ABCA13: variants seen among roughly 807,000 people sequenced by gnomAD.
ABCA13 encodes ATP binding cassette subfamily A member 13.
In ABCA13, 476 loss-of-function variants were observed where a neutral mutation model predicts 478.7. The observed-to-expected ratio is 0.99, with a 90% CI of 0.92 to 1.07. The LOEUF (loss-of-function observed/expected upper bound fraction) is 1.07. Ranked by LOEUF, ABCA13 falls within the 50% of genes least tolerant of loss-of-function variation. ABCA13 has a pLI of 0.00. For missense variants in ABCA13, 6,060 were observed against 5,910.6 expected (o/e 1.03, Z -0.83); for synonymous variants, 2,252 against 2,158.9 (o/e 1.04, Z -1.20).
chr7:48,261,735 A>G (rs1794210046), intron 15 of ABCA13, among the ~76,000 whole-genome samples: 1 of 151,868 alleles, frequency 6.6e-6, no homozygotes, highest in Non-Finnish European at 1.5e-5. Context: ...TTTAAAGTTT[A>G]TATAAGCATT....
At chr7:48,201,420 G>T (rs971194828) in intron 3 of ABCA13, among the ~76,000 whole-genome samples, 3 of 140,488 alleles carry the variant, frequency 2.1e-5, no homozygotes, top group Non-Finnish European at 4.8e-5. Flanking sequence ...TTTCTCCTCA[G>T]AAGCTGCCCA....
chr7:48,298,478 C>T lies in ABCA13; in HGVS notation c.9312C>T (p.Ser3104=). 1 of 1,612,662 alleles carries T rather than the reference C, an allele frequency of 6.2e-7. No homozygotes were observed. Among genetic ancestry groups the T allele is most frequent in the Non-Finnish European group, 8.5e-7 (1 of 1,179,396 alleles). The change falls in exon 23 of 62, where the codon TCC becomes TCT. Residue 3104 remains serine, a synonymous_variant. Coordinates refer to ENST00000435803, the MANE Select transcript of ABCA13 (RefSeq NM_152701.5). ...TIHSILEANI[S]HSKVLFSALT... is the part of the protein sequence containing the mutation. ...ATAGCATTCTAGAAGCAAATATTTCCCACTCCAAGGTGTGGTGCTGTTTCT... is the reference window on the plus strand; with the variant it reads ...ATAGCATTCTAGAAGCAAATATTTCTCACTCCAAGGTGTGGTGCTGTTTCT...
chr7:48,176,544 T>C (rs895116234), intron 1 of ABCA13, among the ~76,000 whole-genome samples: 3 of 152,178 alleles, frequency 2.0e-5, no homozygotes, highest in Admixed American at 6.5e-5. Flanking sequence ...ATGCATACTT[T>C]CTTTTAGTCA....
chr7:48,507,969 G>T lies in ABCA13; in HGVS notation c.13444G>T (p.Val4482Leu), dbSNP rs116007280. 2,527 of 1,613,838 alleles carry T rather than the reference G, an allele frequency of 1.6e-3. 30 individuals are homozygous for T. The African/African-American group carries it at 0.03, about 19-fold the overall frequency. ...SIGSSVVRDR[V>L]IGAKRLQHIS... ...CGGCAGCTCTGTGGTGAGGGACAGG[G>T]TGATTGGAGCCAAAAGGTTGCAGCA... The change falls in exon 50 of 62, where the codon GTG becomes TTG. Residue 4482 changes from valine (V) to leucine (L), a missense_variant. Transcript: ENST00000435803.
chr7:48,472,948 G>T (rs1827667732), intron 45 of ABCA13, among the ~76,000 whole-genome samples: 1 of 152,158 alleles, frequency 6.6e-6, no homozygotes, highest in South Asian at 2.1e-4. Flanking sequence ...GAAGAAAGAG[G>T]TTTATTGGAC....
At chr7:48,309,892 T>G in intron 23 of ABCA13, 55 bp from the exon 24 acceptor site, 1 of 1,592,276 alleles carries the variant, frequency 6.3e-7, no homozygotes, top group Non-Finnish European at 8.6e-7. Context: ...TCTGAGGTGG[T>G]GAAGCACATG....
At chr7:48,354,096 C>T (rs1487830808) in intron 31 of ABCA13, among the ~76,000 whole-genome samples, 1 of 151,960 alleles carries the variant, frequency 6.6e-6, no homozygotes, top group Non-Finnish European at 1.5e-5. Context: ...CACCTGAGAG[C>T]TCTGAGAATT....
intron 36 of ABCA13, 44 bp downstream of exon 36, chr7:48,388,003 G>A (rs1444796884): frequency 1.9e-6 from 3 of 1,573,798 alleles, no homozygotes; most frequent in Non-Finnish European, 1.7e-6. Flanking sequence ...TTTTTCCTTT[G>A]ATCCATTTTG....
At chr7:48,201,411 T>G (rs1380145388) in intron 3 of ABCA13, among the ~76,000 whole-genome samples, 1 of 148,674 alleles carries the variant, frequency 6.7e-6, no homozygotes, top group Non-Finnish European at 1.5e-5. Flanking sequence ...AAGGAGACTT[T>G]TCTCCTCAGA....
At chr7:48,483,946 T>C (rs984037188) in intron 47 of ABCA13, among the ~76,000 whole-genome samples, 3 of 152,214 alleles carry the variant, frequency 2.0e-5, no homozygotes, top group African/African-American at 7.2e-5. Context: ...CTTATTAGGA[T>C]ATCAGTATAG....
chr7:48,638,352 AGT>A (rs1794849966), intron 59 of ABCA13, among the ~76,000 whole-genome samples: 1 of 152,188 alleles, frequency 6.6e-6, no homozygotes, highest in African/African-American at 2.4e-5. Context: ...CACAGAGAGC[AGT>A]GTTTATGGAG....
chr7:48,376,515 C>A lies in ABCA13; in HGVS notation c.11278C>A (p.Leu3760Ile), dbSNP rs1813508919. The change falls in exon 35 of 62, where the codon CTT (leucine) becomes ATT (isoleucine). Residue 3760 changes from leucine (L) to isoleucine (I), a missense_variant. Leu to Ile is a conservative substitution (Grantham distance 5). Coordinates refer to ENST00000435803, the MANE Select transcript of ABCA13 (RefSeq NM_152701.5). ...ATTTGGCTGGGTTTGCTGGATGATT[C>A]TTTTTGATTCAAGCCTTTATTTTTT... ...MTFGWVCWMILFDSSLYFLCG... is the reference protein window; with the variant it reads ...MTFGWVCWMIIFDSSLYFLCG... The A allele has an allele frequency of 6.2e-7, 1 of 1,613,710 alleles. No individual in the cohort carries two copies. The highest frequency in any genetic ancestry group is 1.7e-5 in the Admixed American group (1 of 59,986).
intron 29 of ABCA13, among the ~76,000 whole-genome samples, chr7:48,340,286 T>C (rs1199921539): frequency 1.3e-5 from 2 of 152,100 alleles, no homozygotes; most frequent in Admixed American, 6.5e-5. Flanking sequence ...TTTGTATTTT[T>C]AGTAGAGATG....
chr7:48,280,645 C>A (rs1262669288), intron 18 of ABCA13, among the ~76,000 whole-genome samples: 1 of 152,130 alleles, frequency 6.6e-6, no homozygotes, highest in African/African-American at 2.4e-5. Context: ...CTCTGGCCCA[C>A]ATGGAGATTG....
At chr7:48,482,462 C>T (rs572045496) in intron 46 of ABCA13, among the ~76,000 whole-genome samples, 2 of 152,094 alleles carry the variant, frequency 1.3e-5, no homozygotes, top group East Asian at 3.9e-4. Flanking sequence ...ACTGTAACCT[C>T]CGCCTCCCAG....
intron 35 of ABCA13, among the ~76,000 whole-genome samples, chr7:48,386,264 A>C (rs756800360): frequency 6.6e-6 from 1 of 152,244 alleles, no homozygotes; most frequent in South Asian, 2.1e-4. Flanking sequence ...AAAACGTTTC[A>C]TGCTCATGGA....
intron 28 of ABCA13, among the ~76,000 whole-genome samples, chr7:48,336,084 C>T (rs1806218147): frequency 6.6e-6 from 1 of 152,004 alleles, no homozygotes; most frequent in African/African-American, 2.4e-5. Context: ...ATTAACTTAC[C>T]AGGTAAGTAG....
chr7:48,596,752 C>T lies in ABCA13; in HGVS notation c.14744+1939C>T, dbSNP rs1019283015. ...GGTGGAGCTTGCAGTGAGCCAAGAT[C>T]GGGCCACTGCACTCCAGCCTGGGCG... On this transcript the variant is annotated intron_variant, in intron 58 of 61. Coordinates refer to ENST00000435803, the MANE Select transcript of ABCA13 (RefSeq NM_152701.5). 1.5e-4 allele frequency among the ~76,000 whole-genome samples: 22 copies of T among 151,494 alleles called. No individual in the cohort carries two copies. In the East Asian group the frequency reaches 4.0e-3, roughly 28 times the overall value.
intron 59 of ABCA13, among the ~76,000 whole-genome samples, chr7:48,618,490 C>G (rs202175865): frequency 6.6e-6 from 1 of 152,220 alleles, no homozygotes; most frequent in South Asian, 2.1e-4. Context: ...GATCAGGAAA[C>G]GACTGCCTTT....
Sources: gnomAD v4.1 joint callset for allele counts (sites outside exome capture counted in the v4.1 genomes callset) on GRCh38, gnomAD v4.1.1 for gene constraint, MANE v1.5 for transcripts, NCBI Gene and HGNC (gene_info 2026-07-23, HGNC 2026-07-21) for gene names.